Variants in CNTN5 observed in about 807,000 individuals in gnomAD.
The protein encoded by CNTN5 is contactin-5.
Under a neutral mutation model 129.1 loss-of-function variants are expected in CNTN5, and 77 were observed. The ratio of observed to expected loss-of-function variants is 0.60; its 90% CI spans 0.50 to 0.72. The LOEUF (loss-of-function observed/expected upper bound fraction) is 0.72, where lower values mean the gene tolerates loss of function less well. Ranked by LOEUF, CNTN5 falls within the 30% of genes least tolerant of loss-of-function variation. CNTN5 has a pLI of 0.00. For synonymous variants in CNTN5, 509 were observed against 465.6 expected (o/e 1.09, Z -1.20); for missense variants, 1,478 against 1,328.8 (o/e 1.11, Z -1.75).
chr11:99,897,567 G>T (rs1355158245), intron 6 of CNTN5, among the ~76,000 whole-genome samples: 2 of 152,010 alleles, frequency 1.3e-5, no homozygotes, highest in Non-Finnish European at 2.9e-5. Flanking sequence ...AAATGAAGGA[G>T]AAATACTCTT....
intron 1 of CNTN5, among the ~76,000 whole-genome samples, chr11:99,121,472 A>G (rs937718227): frequency 2.0e-5 from 3 of 152,148 alleles, no homozygotes; most frequent in Non-Finnish European, 4.4e-5. Context: ...AAAACAACAC[A>G]AAGACACATC....
intron 6 of CNTN5, among the ~76,000 whole-genome samples, chr11:99,869,524 C>G (rs1275200571): frequency 1.3e-5 from 2 of 152,154 alleles, no homozygotes; most frequent in Non-Finnish European, 1.5e-5. Context: ...ACCTCTTCAA[C>G]TATCCACTGC....
chr11:99,941,895 G>C (rs1950447419), intron 7 of CNTN5, among the ~76,000 whole-genome samples: 1 of 151,882 alleles, frequency 6.6e-6, no homozygotes, highest in Admixed American at 6.6e-5. Flanking sequence ...TTTATAAGTA[G>C]AACTTATAAA....
At chr11:100,098,311 C>G (rs973055841) in intron 13 of CNTN5, among the ~76,000 whole-genome samples, 4 of 151,888 alleles carry the variant, frequency 2.6e-5, no homozygotes, top group Non-Finnish European at 4.4e-5. Context: ...GTAGTGATTA[C>G]TTACATTATA....
intron 15 of CNTN5, among the ~76,000 whole-genome samples, chr11:100,206,306 C>T (rs919792516): frequency 3.9e-5 from 6 of 152,008 alleles, no homozygotes; most frequent in Non-Finnish European, 8.8e-5. Context: ...GTTTTGTCTA[C>T]TAAATCCCAA....
chr11:100,169,589 C>T (rs181801184), intron 13 of CNTN5, among the ~76,000 whole-genome samples: 1 of 152,038 alleles, frequency 6.6e-6, no homozygotes, highest in East Asian at 1.9e-4. Context: ...AAGATATGTG[C>T]ATTGTTTCTT....
At chr11:99,850,344 T>C (rs1947833263) in intron 6 of CNTN5, among the ~76,000 whole-genome samples, 1 of 152,164 alleles carries the variant, frequency 6.6e-6, no homozygotes. Context: ...TGTCAAAAGC[T>C]GATATCATCA....
At chr11:99,686,232 A>T (rs1953786158) in intron 3 of CNTN5, among the ~76,000 whole-genome samples, 2 of 151,834 alleles carry the variant, frequency 1.3e-5, no homozygotes, top group African/African-American at 4.8e-5. Flanking sequence ...ACTGCTCTCT[A>T]TTCCTTCCTG....
chr11:99,598,135 T>G (rs1950180219), intron 3 of CNTN5, among the ~76,000 whole-genome samples: 1 of 152,160 alleles, frequency 6.6e-6, no homozygotes, highest in African/African-American at 2.4e-5. Flanking sequence ...TCCTACATAT[T>G]GTGGGGAGGT....
intron 8 of CNTN5, among the ~76,000 whole-genome samples, chr11:99,974,820 A>T (rs1937833426): frequency 2.0e-5 from 3 of 152,196 alleles, no homozygotes; most frequent in African/African-American, 4.8e-5. Flanking sequence ...TTTTCTTTAA[A>T]TGTAGGTTTT....
At chr11:99,578,835 T>C (rs1314191316) in intron 3 of CNTN5, among the ~76,000 whole-genome samples, 1 of 152,180 alleles carries the variant, frequency 6.6e-6, no homozygotes, top group Non-Finnish European at 1.5e-5. Flanking sequence ...TTAGTTTAAT[T>C]AGATCCCATT....
chr11:99,347,331 G>A (rs1193008284), intron 2 of CNTN5, among the ~76,000 whole-genome samples: 1 of 152,140 alleles, frequency 6.6e-6, no homozygotes, highest in Non-Finnish European at 1.5e-5. Flanking sequence ...ATGACACAGG[G>A]CGTGGGAAGT....
intron 9 of CNTN5, 111 bp downstream of exon 9, chr11:100,002,247 G>T: frequency 1.6e-6 from 1 of 626,058 alleles, no homozygotes; most frequent in Non-Finnish European, 2.6e-6. Flanking sequence ...GTTCCATGGT[G>T]GCTATTTATT....
intron 21 of CNTN5, among the ~76,000 whole-genome samples, chr11:100,338,079 T>C (rs1369107405): frequency 1.3e-5 from 2 of 152,172 alleles, no homozygotes; most frequent in Admixed American, 6.5e-5. Context: ...GCTAAAGTAA[T>C]TTAACATTTA....
intron 1 of CNTN5, among the ~76,000 whole-genome samples, chr11:99,324,830 A>G (rs1241638957): frequency 6.6e-6 from 1 of 152,040 alleles, no homozygotes; most frequent in East Asian, 1.9e-4. Context: ...TTTAGTAGAG[A>G]CGGGGTTTCA....
chr11:99,675,946 G>GA (rs1477258458), intron 3 of CNTN5, among the ~76,000 whole-genome samples: 5 of 151,948 alleles, frequency 3.3e-5, no homozygotes, highest in Non-Finnish European at 7.4e-5. Flanking sequence ...AAAATACTTT[G>GA]AAAAATACAA....
chr11:99,573,603 T>TAA (rs1213721594), intron 3 of CNTN5, among the ~76,000 whole-genome samples: 1 of 90,928 alleles, frequency 1.1e-5, no homozygotes, highest in African/African-American at 3.7e-5. Context: ...AAATAAAAAA[T>TAA]AAAAATAGTT....
intron 2 of CNTN5, among the ~76,000 whole-genome samples, chr11:99,368,130 G>A (rs1034592147): frequency 6.6e-6 from 1 of 151,938 alleles, no homozygotes; most frequent in African/African-American, 2.4e-5. Flanking sequence ...TAATATTGTT[G>A]CCCAAATCAG....
chr11:99,998,925 A>C (rs1385295550), intron 8 of CNTN5, among the ~76,000 whole-genome samples: 2 of 151,152 alleles, frequency 1.3e-5, no homozygotes, highest in African/African-American at 2.4e-5. Context: ...CTATTTAATA[A>C]ATGGTGCTGG....
Sources: gnomAD v4.1 joint callset for allele counts (sites outside exome capture counted in the v4.1 genomes callset) on GRCh38, gnomAD v4.1.1 for gene constraint, MANE v1.5 for transcripts, NCBI Gene and HGNC (gene_info 2026-07-23, HGNC 2026-07-21) for gene names.